Variants in FGF1 observed in about 807,000 individuals in gnomAD.
FGF1 encodes fibroblast growth factor 1, also known as beta-endothelial cell growth factor.
FGF1 carries 9 observed loss-of-function variants against 13.4 expected under a neutral mutation model. That is an observed-to-expected ratio of 0.67 (90% CI 0.40 to 1.17). FGF1 has a LOEUF of 1.17. Ranked by LOEUF, FGF1 falls within the 50% of genes most tolerant of loss-of-function variation. The pLI, the probability that FGF1 is intolerant of heterozygous loss-of-function variation, is 0.01. For missense variants in FGF1, 156 were observed against 192.7 expected, an observed-to-expected ratio of 0.81 and a Z score of 1.13; for synonymous variants, 93 against 79.0, an observed-to-expected ratio of 1.18 and a Z score of -0.94.
chr5:142,690,194 G>A (rs1267719518), upstream of FGF1, among the ~76,000 whole-genome samples: 9 of 151,566 alleles, frequency 5.9e-5, no homozygotes, highest in African/African-American at 2.2e-4. Context: ...GGTGGCGGGC[G>A]CCTGTAGTCC....
intron 1 of FGF1, among the ~76,000 whole-genome samples, chr5:142,682,812 A>G (rs1773964706): frequency 6.6e-6 from 1 of 152,180 alleles, no homozygotes; most frequent in Non-Finnish European, 1.5e-5. Context: ...AATAATCAAA[A>G]TAATTGCTAT....
intron 1 of FGF1, among the ~76,000 whole-genome samples, chr5:142,627,796 A>C (rs1202914864): frequency 6.6e-6 from 1 of 152,204 alleles, no homozygotes; most frequent in East Asian, 1.9e-4. Flanking sequence ...GGACAATGTA[A>C]AACTTGTTTC....
Position 142,646,125 on chromosome 5 carries a change from G to A in FGF1, c.-34-31964C>T, listed in dbSNP as rs547262462. Reference sequence around the variant, plus strand: ...GGGGTTTCAGTGTGTTAGCCAGGATGGTCTCGATCTCCTGACCTCGTGATC... The same window carrying A: ...GGGGTTTCAGTGTGTTAGCCAGGATAGTCTCGATCTCCTGACCTCGTGATC... On this transcript the variant is annotated intron_variant, in intron 1 of 3. Coordinates refer to ENST00000337706, the MANE Select transcript of FGF1 (RefSeq NM_000800.5). Among the ~76,000 whole-genome samples, 6 of 151,138 alleles carry A rather than the reference G, an allele frequency of 4.0e-5. No homozygotes were observed. The South Asian group carries it at 1.3e-3, about 32-fold the overall frequency.
At chr5:142,608,553 T>A (rs929022282) in intron 2 of FGF1, among the ~76,000 whole-genome samples, 9,105 of 74,428 alleles carry the variant, frequency 0.12, 531 homozygotes, top group African/African-American at 0.31. Context: ...TATATATATA[T>A]ATATATATAT....
At chr5:142,686,404 A>G, upstream of FGF1, 1 of 152,988 alleles carries the variant, frequency 6.5e-6, no homozygotes, top group Non-Finnish European at 1.5e-5. Flanking sequence ...GCCAGGAGGG[A>G]GGTAGAGACA....
At chr5:142,613,838 G>A (rs1469624895) in intron 2 of FGF1, 121 bp downstream of exon 2, 1 of 1,025,838 alleles carries the variant, frequency 9.7e-7, no homozygotes, top group Non-Finnish European at 1.4e-6. Context: ...ACCTCTGAAT[G>A]TGTCATGCCT....
intron 1 of FGF1, among the ~76,000 whole-genome samples, chr5:142,660,836 A>C (rs892672705): frequency 6.6e-6 from 1 of 152,174 alleles, no homozygotes; most frequent in Admixed American, 6.5e-5. Flanking sequence ...GTTACAATGG[A>C]GTGAAAGCCA....
chr5:142,682,814 A>C (rs553802733), intron 1 of FGF1, among the ~76,000 whole-genome samples: 58 of 152,306 alleles, frequency 3.8e-4, no homozygotes, highest in Non-Finnish European at 6.2e-4. Flanking sequence ...TAATCAAAAT[A>C]ATTGCTATTC....
rs374021307 is a variant in FGF1 at position 142,649,507 on chromosome 5, C to T, written c.-34-35346G>A. Among the ~76,000 whole-genome samples, 81 of 152,016 alleles carry T rather than the reference C, an allele frequency of 5.3e-4. 1 individual carries two copies. The highest frequency in any genetic ancestry group is 3.4e-3 in the Middle Eastern group (1 of 294). ...CTGCAAGCTCTGCCTCCCGGGTTCA[C>T]GCCATTCTCCTGCCTCAGCCTCCTG... On this transcript the variant is annotated intron_variant, in intron 1 of 3. Coordinates refer to ENST00000337706, the MANE Select transcript of FGF1 (RefSeq NM_000800.5).
At position 142,595,184 on chromosome 5, in the gene FGF1, G is replaced by A. The variant is rs1257160038; in HGVS notation, c.*106C>T. 8.0e-6 allele frequency: 7 copies of A among 879,384 alleles called. No homozygotes were observed. In the South Asian group the frequency reaches 1.2e-4, roughly 15 times the overall value. The allele number at this position is 879,384 out of a possible 1,614,324, so 54.5% of individuals were successfully genotyped here. ...AGTTGCTTACAAATTCAGGCTCTGT[G>A]GGCTGGGGGTTAGCGCAGCCAATGG... On this transcript the variant is annotated 3_prime_UTR_variant, in exon 4 of 4. Transcript: ENST00000337706.
intron 2 of FGF1, among the ~76,000 whole-genome samples, chr5:142,692,495 T>C (rs1321859599): frequency 6.6e-6 from 1 of 151,668 alleles, no homozygotes; most frequent in Non-Finnish European, 1.5e-5. Context: ...AGGCCTCCCC[T>C]GTAATGATTT....
intron 1 of FGF1, among the ~76,000 whole-genome samples, chr5:142,662,078 G>C (rs1272228349): frequency 6.6e-6 from 1 of 152,134 alleles, no homozygotes; most frequent in Non-Finnish European, 1.5e-5. Flanking sequence ...GAAATGTCTG[G>C]AATAAGCAAA....
chr5:142,612,315 A>G (rs1156278389), intron 2 of FGF1, among the ~76,000 whole-genome samples: 2 of 152,218 alleles, frequency 1.3e-5, no homozygotes, highest in Non-Finnish European at 2.9e-5. Flanking sequence ...AAATTCCAGT[A>G]TTGGAGCCTT....
intron 1 of FGF1, among the ~76,000 whole-genome samples, chr5:142,622,625 A>G (rs1466593562): frequency 1.3e-5 from 2 of 152,248 alleles, no homozygotes; most frequent in African/African-American, 4.8e-5. Flanking sequence ...TATCTAACCA[A>G]GAAAAATATT....
intron 1 of FGF1, among the ~76,000 whole-genome samples, chr5:142,650,594 G>A (rs1461192648): frequency 6.6e-6 from 1 of 152,112 alleles, no homozygotes. Context: ...TGATGGCAGG[G>A]AGAATGATGC....
At chr5:142,635,780 T>G (rs17217037) in intron 1 of FGF1, among the ~76,000 whole-genome samples, 17,198 of 152,220 alleles carry the variant, frequency 0.11, 1,042 homozygotes, top group South Asian at 0.17. Flanking sequence ...CCACAGAGGA[T>G]TCTGATGTGA....
chr5:142,695,577 G>T (rs1026801130), intron 2 of FGF1, among the ~76,000 whole-genome samples: 11 of 110,308 alleles, frequency 1.0e-4, no homozygotes, highest in Non-Finnish European at 1.6e-4. Flanking sequence ...GCAAGACTCT[G>T]TATCAAAAAG....
At chr5:142,600,680 A>T in intron 3 of FGF1, 22 bp downstream of exon 3, 1 of 1,553,100 alleles carries the variant, frequency 6.4e-7, no homozygotes, top group Non-Finnish European at 8.9e-7. Context: ...CACGTCTGGA[A>T]GCATGTCAGC....
At chr5:142,666,395 G>A (rs1318100841) in intron 1 of FGF1, among the ~76,000 whole-genome samples, 1 of 151,972 alleles carries the variant, frequency 6.6e-6, no homozygotes, top group Non-Finnish European at 1.5e-5. Context: ...GGATAGGATG[G>A]GGTGTAAGAT....
Sources: allele counts gnomAD v4.1 joint callset (sites outside exome capture counted in the v4.1 genomes callset), GRCh38; gene constraint gnomAD v4.1.1; transcripts MANE v1.5; gene names NCBI Gene and HGNC (gene_info 2026-07-23, HGNC 2026-07-21).